The following HIVEP1 variants were observed in gnomAD, a reference collection of about 807,000 sequenced individuals.
HIVEP1 encodes zinc finger protein 40.
In HIVEP1, 36 loss-of-function variants were observed where a neutral mutation model predicts 180.0. The observed-to-expected ratio is 0.20, with a 90% CI of 0.15 to 0.26. The LOEUF (loss-of-function observed/expected upper bound fraction) is 0.26. Ranked by LOEUF, HIVEP1 falls within the 10% of genes least tolerant of loss-of-function variation. HIVEP1 has a pLI of 1.00. For synonymous variants in HIVEP1, 1,239 were observed against 1,239.0 expected (o/e 1.00, Z 0.00); for missense variants, 3,143 against 3,268.7 (o/e 0.96, Z 0.94).
chr6:12,099,557 C>G (rs1377242530), intron 3 of HIVEP1, among the ~76,000 whole-genome samples: 1 of 152,056 alleles, frequency 6.6e-6, no homozygotes, highest in African/African-American at 2.4e-5. Flanking sequence ...TTAACATGAC[C>G]CTTATATGTG....
intron 3 of HIVEP1, among the ~76,000 whole-genome samples, chr6:12,097,314 CA>C (rs1171305928): frequency 7.5e-6 from 1 of 134,062 alleles, no homozygotes; most frequent in Non-Finnish European, 1.6e-5. Context: ...GTGCACCAGC[CA>C]TTTTTTTTTT....
At chr6:12,074,903 C>T (rs1441949126) in intron 2 of HIVEP1, among the ~76,000 whole-genome samples, 1 of 151,898 alleles carries the variant, frequency 6.6e-6, no homozygotes, top group Non-Finnish European at 1.5e-5. Flanking sequence ...TGAAAAATAA[C>T]CTGGAAACTA....
rs192096936 is a variant in HIVEP1, at chr6:12,100,138, C to A, written c.94+10901C>A. Among the ~76,000 whole-genome samples, 10 of 152,188 alleles carry A rather than the reference C, an allele frequency of 6.6e-5. No homozygotes were observed. In the South Asian group the frequency reaches 2.1e-3, roughly 31 times the overall value. Reference sequence around the variant, plus strand: ...TCTGGTGTTAACACTACAACTCAAACGTCCTGGTGGTAGAAATGTTAATCA... The same window carrying A: ...TCTGGTGTTAACACTACAACTCAAAAGTCCTGGTGGTAGAAATGTTAATCA... On this transcript the variant is annotated intron_variant, in intron 3 of 8. Coordinates refer to ENST00000379388, the MANE Select transcript of HIVEP1 (RefSeq NM_002114.4).
intron 2 of HIVEP1, among the ~76,000 whole-genome samples, chr6:12,069,207 G>C (rs894883193): frequency 2.0e-5 from 3 of 152,182 alleles, no homozygotes; most frequent in African/African-American, 7.2e-5. Context: ...TTACAAACCT[G>C]CACAGCATGT....
intron 2 of HIVEP1, among the ~76,000 whole-genome samples, chr6:12,072,828 T>C (rs1772073647): frequency 1.3e-5 from 2 of 152,342 alleles, no homozygotes; most frequent in South Asian, 4.1e-4. Context: ...ATATCTCTTC[T>C]GAAATCTTCT....
chr6:12,025,248 G>C (rs899476719), intron 2 of HIVEP1, among the ~76,000 whole-genome samples: 1 of 152,152 alleles, frequency 6.6e-6, no homozygotes, highest in Non-Finnish European at 1.5e-5. Context: ...CTCCATCCCA[G>C]TTAACTTGCT....
intron 2 of HIVEP1, among the ~76,000 whole-genome samples, chr6:12,016,805 C>T (rs181742659): frequency 6.6e-6 from 1 of 152,270 alleles, no homozygotes. Context: ...TTGCCCGTCC[C>T]CCTCACTAGA....
At chr6:12,111,811 G>A (rs184747439) in intron 3 of HIVEP1, among the ~76,000 whole-genome samples, 8 of 152,258 alleles carry the variant, frequency 5.3e-5, no homozygotes, top group African/African-American at 4.8e-5. Flanking sequence ...CTCAAAATAC[G>A]TAACCATATC....
At chr6:12,009,120 TGGCGGCGGCGGCGGC>T (rs950139776), upstream of HIVEP1, among the ~76,000 whole-genome samples, 13 of 146,058 alleles carry the variant, frequency 8.9e-5, no homozygotes, top group East Asian at 1.2e-3. Context: ...CGCGTGGCGG[TGGCGGCGGCGGCGGC>T]GGCGGCGGCG....
intron 2 of HIVEP1, among the ~76,000 whole-genome samples, chr6:12,076,388 TAGAG>T (rs1252271892): frequency 6.7e-6 from 1 of 149,594 alleles, no homozygotes; most frequent in Non-Finnish European, 1.5e-5. Flanking sequence ...GAAAACATCT[TAGAG>T]AGAGAGATGC....
chr6:12,115,333 A>C (rs999546593), intron 3 of HIVEP1, among the ~76,000 whole-genome samples: 9 of 135,818 alleles, frequency 6.6e-5, no homozygotes, highest in Non-Finnish European at 9.4e-5. Context: ...ATCTTAACTT[A>C]TACTTCCCCA....
At chr6:12,089,453 A>G (rs1773322198) in intron 3 of HIVEP1, among the ~76,000 whole-genome samples, 1 of 152,162 alleles carries the variant, frequency 6.6e-6, no homozygotes, top group African/African-American at 2.4e-5. Flanking sequence ...ATATTAATGT[A>G]TGACTGGTAG....
downstream of HIVEP1, among the ~76,000 whole-genome samples, chr6:12,168,228 T>G (rs1410919065): frequency 3.3e-4 from 26 of 79,664 alleles, 1 homozygote; most frequent in African/African-American, 1.2e-3. Context: ...ACATATATTA[T>G]ATACATATAT....
chr6:12,168,203 C>CGTAT (rs1554161527), downstream of HIVEP1, among the ~76,000 whole-genome samples: 3 of 99,070 alleles, frequency 3.0e-5, no homozygotes, highest in East Asian at 8.2e-4. Flanking sequence ...TGTATATATA[C>CGTAT]ATATATACAT....
chr6:12,133,159 G>A (rs1758517051), intron 6 of HIVEP1, among the ~76,000 whole-genome samples: 1 of 152,170 alleles, frequency 6.6e-6, no homozygotes. Context: ...TGATGGTAAT[G>A]CTTACAAATC....
At chr6:12,202,813 A>G in the HIVEP1 span, among the ~76,000 whole-genome samples, 2 of 152,318 alleles carry the variant, frequency 1.3e-5, no homozygotes, top group African/African-American at 4.8e-5. Flanking sequence ...CCTCTGTAGC[A>G]TGAGCATTAG....
At chr6:12,182,508 T>C in the HIVEP1 span, among the ~76,000 whole-genome samples, 1 of 152,210 alleles carries the variant, frequency 6.6e-6, no homozygotes, top group African/African-American at 2.4e-5. Flanking sequence ...TGAATTGATA[T>C]GAAATCAGGT....
chr6:12,080,894 A>G (rs1772743274), intron 2 of HIVEP1, among the ~76,000 whole-genome samples: 2 of 152,088 alleles, frequency 1.3e-5, no homozygotes, highest in African/African-American at 2.4e-5. Context: ...TCTCTACTCT[A>G]CTTTGTCCAT....
rs747394911 is a variant in HIVEP1 at position 12,125,697 on chromosome 6, T to A, written c.5902T>A (p.Trp1968Arg). The A allele has an allele frequency of 1.2e-6, 2 of 1,614,216 alleles. No homozygotes were observed. Among genetic ancestry groups the A allele is most frequent in the East Asian group, 2.2e-5 (1 of 44,886 alleles). ...CCAGAAAACTTCAGCCTATACTGAT[T>A]GGACAGTAAGCGCCAGTAATCCAAA... ...KDQKTSAYTD[W>R]TVSASNPNPL... The change falls in exon 4 of 9, where the codon TGG becomes AGG. Residue 1968 changes from tryptophan to arginine, a missense_variant. Coordinates refer to ENST00000379388, the MANE Select transcript of HIVEP1 (RefSeq NM_002114.4).
Sources: allele counts gnomAD v4.1 joint callset (sites outside exome capture counted in the v4.1 genomes callset), GRCh38; gene constraint gnomAD v4.1.1; transcripts MANE v1.5; gene names NCBI Gene and HGNC (gene_info 2026-07-23, HGNC 2026-07-21).